Variants in SEC24A observed in about 807,000 individuals in gnomAD.
SEC24A encodes SEC24 homolog A, COPII component, also known as protein transport protein Sec24A.
SEC24A carries 93 observed loss-of-function variants against 129.4 expected under a neutral mutation model. The ratio of observed to expected loss-of-function variants is 0.72; its 90% CI spans 0.61 to 0.85. The LOEUF (loss-of-function observed/expected upper bound fraction) is 0.85, where lower values mean the gene tolerates loss of function less well. Ranked by LOEUF, SEC24A falls within the 40% of genes least tolerant of loss-of-function variation. The probability of loss-of-function intolerance (pLI) is 0.00; values close to 1 mark genes in which losing one functional copy is unlikely to be tolerated. For missense variants in SEC24A, 1,264 were observed against 1,307.4 expected (o/e 0.97, Z 0.51); for synonymous variants, 460 against 467.3 (o/e 0.98, Z 0.20).
chr5:134,669,825 C>T (rs1207762697), intron 3 of SEC24A, among the ~76,000 whole-genome samples: 3 of 152,112 alleles, frequency 2.0e-5, no homozygotes, highest in Admixed American at 1.3e-4. Context: ...GTCACACAGG[C>T]TGGAATGCAG....
In SEC24A at chr5:134,659,671, A is replaced by T. The variant is rs1750380972; in HGVS notation, c.98-1448A>T. Among the ~76,000 whole-genome samples the T allele has an allele frequency of 5.7e-5, 8 of 139,874 alleles. No individual in the cohort carries two copies. The Admixed American group carries it at 5.9e-4, about 10-fold the overall frequency. The allele number at this position is 139,874 out of a possible 152,430, so 91.8% of individuals were successfully genotyped here. On this transcript the variant is annotated intron_variant, in intron 1 of 22. Transcript: ENST00000398844. ...TTTTTTTTTTTTTTTTTTTTGAGACAGGATACAGGGTCTCACTTTGTCACA... is the reference window on the plus strand; with the variant it reads ...TTTTTTTTTTTTTTTTTTTTGAGACTGGATACAGGGTCTCACTTTGTCACA...
At position 134,725,392 on chromosome 5, in the gene SEC24A, A is replaced by G. The variant is rs901450707; in HGVS notation, c.*298A>G. Reference sequence around the variant, plus strand: ...AATAAGAATATTGCAGAGGCAAAGTACATTTTGTAAAATAAAGATTTCTGT... The same window carrying G: ...AATAAGAATATTGCAGAGGCAAAGTGCATTTTGTAAAATAAAGATTTCTGT... On this transcript the variant is annotated 3_prime_UTR_variant, in exon 23 of 23. Transcript: ENST00000398844. 1.5e-5 allele frequency: 3 copies of G among 202,170 alleles called. No individual in the cohort carries two copies. Among genetic ancestry groups the G allele is most frequent in the Admixed American group, 1.2e-4 (2 of 16,674 alleles). 12.5% of individuals were successfully genotyped at this position (202,170 alleles called of 1,614,324 possible). A position where few individuals can be genotyped will look rare whatever the true frequency, so the allele number is the denominator to read the frequency against.
chr5:134,654,593 C>T (rs1030999181), intron 1 of SEC24A, among the ~76,000 whole-genome samples: 5 of 152,072 alleles, frequency 3.3e-5, no homozygotes, highest in Non-Finnish European at 7.4e-5. Flanking sequence ...AGACCTTAAA[C>T]TAATGGATCT....
intron 20 of SEC24A, among the ~76,000 whole-genome samples, chr5:134,719,275 A>T (rs185649313): frequency 6.6e-6 from 1 of 151,724 alleles, no homozygotes; most frequent in African/African-American, 2.4e-5. Context: ...CCAGCAACTC[A>T]GAAGGCTGAG....
chr5:134,679,638 T>C lies in SEC24A; in HGVS notation c.1291T>C (p.Cys431Arg). ...PVVTSSTIVR[C>R]RSCRTYINPF... ...GGTTACCTCCAGTACAATTGTGAGATGCCGTTCATGCAGGACGTACATCAA... is the reference window on the plus strand; with the variant it reads ...GGTTACCTCCAGTACAATTGTGAGACGCCGTTCATGCAGGACGTACATCAA... The change falls in exon 8 of 23, where the codon TGC (cysteine) becomes CGC (arginine). Residue 431 changes from cysteine to arginine, a missense_variant. Cys to Arg is a radical substitution (Grantham distance 180). Transcript: ENST00000398844. 6.3e-7 allele frequency: 1 copy of C among 1,596,836 alleles called. No homozygotes were observed. The highest frequency in any genetic ancestry group is 1.1e-5 in the South Asian group (1 of 89,138).
Position 134,727,045 on chromosome 5 carries a change from A to T in SEC24A, c.*1951A>T, listed in dbSNP as rs1347860862. 4 of 152,620 alleles carry T rather than the reference A, an allele frequency of 2.6e-5. No individual in the cohort carries two copies. The highest frequency in any genetic ancestry group is 9.6e-5 in the African/African-American group (4 of 41,464). 9.5% of individuals were successfully genotyped at this position (152,620 alleles called of 1,614,324 possible). ...CATGAAAAACATAACTTTAGTTAGG[A>T]TTCACAATATTTGTTCTCCACATAA... On this transcript the variant is annotated 3_prime_UTR_variant, in exon 23 of 23. Transcript: ENST00000398844.
chr5:134,701,789 G>A (rs539548637), intron 15 of SEC24A, among the ~76,000 whole-genome samples: 2 of 152,142 alleles, frequency 1.3e-5, no homozygotes, highest in African/African-American at 2.4e-5. Context: ...GATTACAGGT[G>A]TGAGCCACTG....
intron 18 of SEC24A, among the ~76,000 whole-genome samples, chr5:134,713,671 G>A (rs1025500357): frequency 2.0e-5 from 3 of 151,852 alleles, no homozygotes; most frequent in Non-Finnish European, 2.9e-5. Flanking sequence ...GTTTTAATAC[G>A]TAATTTCATT....
intron 1 of SEC24A, 65 bp from the exon 2 acceptor site, chr5:134,661,054 A>C: frequency 8.9e-7 from 1 of 1,123,416 alleles, no homozygotes. Context: ...TATATGTTTT[A>C]CTTTATTTCT....
At chr5:134,664,000 A>G (rs1750563648) in intron 2 of SEC24A, among the ~76,000 whole-genome samples, 1 of 152,000 alleles carries the variant, frequency 6.6e-6, no homozygotes, top group Non-Finnish European at 1.5e-5. Flanking sequence ...AATCCCAGCT[A>G]CTCAGGAGGC....
intron 1 of SEC24A, among the ~76,000 whole-genome samples, chr5:134,653,363 C>T (rs1174961273): frequency 1.3e-5 from 2 of 152,306 alleles, no homozygotes; most frequent in East Asian, 1.9e-4. Context: ...GATCCTCCCA[C>T]GTCAGCCTCC....
In SEC24A at chr5:134,688,260, C is replaced by G. The variant is rs772281486; in HGVS notation, c.1684C>G (p.Leu562Val). The G allele has an allele frequency of 2.4e-5, 39 of 1,605,012 alleles. No homozygotes were observed. Among genetic ancestry groups the G allele is most frequent in the Non-Finnish European group, 3.2e-5 (38 of 1,171,982 alleles). Residue 562 changes from leucine to valine, a missense_variant, in exon 11 of 23, where the codon CTC becomes GTC. Transcript: ENST00000398844. ...TIHFYGLQES[L>V]SQPQMLIVSD... ...CCATTTCTACGGTCTTCAGGAAAGT[C>G]TCTCTCAACCTCAGATGCTAATAGT...
chr5:134,684,669 C>T (rs948750093), intron 9 of SEC24A, among the ~76,000 whole-genome samples: 6 of 151,970 alleles, frequency 3.9e-5, no homozygotes, highest in East Asian at 1.9e-4. Flanking sequence ...GCCGAGATTG[C>T]GCCACTGCAC....
intron 15 of SEC24A, among the ~76,000 whole-genome samples, chr5:134,700,523 A>G (rs185997307): frequency 2.0e-5 from 3 of 150,996 alleles, no homozygotes; most frequent in Admixed American, 1.3e-4. Context: ...CCAGTATAAT[A>G]ATATTCTTTT....
chr5:134,674,260 T>C (rs1218053291), intron 4 of SEC24A, among the ~76,000 whole-genome samples: 4 of 152,254 alleles, frequency 2.6e-5, no homozygotes, highest in Non-Finnish European at 4.4e-5. Context: ...TTTGGAGTTA[T>C]AATACCTATA....
At chr5:134,696,228 C>T (rs183364670) in intron 13 of SEC24A, among the ~76,000 whole-genome samples, 1 of 151,716 alleles carries the variant, frequency 6.6e-6, no homozygotes, top group Non-Finnish European at 1.5e-5. Flanking sequence ...TGAGATCATG[C>T]CATTGCACAC....
chr5:134,721,642 TGG>T (rs1183191282), intron 21 of SEC24A, among the ~76,000 whole-genome samples: 1 of 145,198 alleles, frequency 6.9e-6, no homozygotes, highest in African/African-American at 2.6e-5. Context: ...GAGGCTGAGG[TGG>T]GAGGATCACT....
At position 134,697,239 on chromosome 5, in the gene SEC24A, T is replaced by G. The variant is rs1751856529; in HGVS notation, c.2100T>G (p.Ala700=). 2 of 1,596,078 alleles carry G rather than the reference T, an allele frequency of 1.3e-6. No individual in the cohort carries two copies. The highest frequency in any genetic ancestry group is 1.7e-6 in the Non-Finnish European group (2 of 1,167,460). Residue 700 remains alanine, a synonymous_variant, in exon 14 of 23, where the codon GCT becomes GCG. Transcript: ENST00000398844. Reference sequence around the variant, plus strand: ...TCAGTGGACAGTATTCTGATTTGGCTTCTCTGGGTAAGTTCTTCGTAATGA... The same window carrying G: ...TCAGTGGACAGTATTCTGATTTGGCGTCTCTGGGTAAGTTCTTCGTAATGA... The part of the protein sequence containing the change: ...FLLSGQYSDL[A]SLGCISRYSA...
chr5:134,714,282 T>C (rs1320225979), intron 18 of SEC24A, among the ~76,000 whole-genome samples: 2 of 152,072 alleles, frequency 1.3e-5, no homozygotes, highest in Non-Finnish European at 2.9e-5. Flanking sequence ...TAGTGCAGTA[T>C]TCTAAGTGCA....
Sources: allele counts gnomAD v4.1 joint callset (sites outside exome capture counted in the v4.1 genomes callset), GRCh38; gene constraint gnomAD v4.1.1; transcripts MANE v1.5; gene names NCBI Gene and HGNC (gene_info 2026-07-23, HGNC 2026-07-21).